FYN: variants seen among roughly 807,000 people sequenced by gnomAD.
The protein encoded by FYN is FYN proto-oncogene, Src family tyrosine kinase, also known as tyrosine-protein kinase Fyn.
A neutral mutation model predicts 70.2 loss-of-function variants in FYN; 10 were observed. The ratio of observed to expected loss-of-function variants is 0.14; its 90% CI spans 0.09 to 0.24. FYN has a LOEUF of 0.24. FYN is among the 10% of genes least tolerant of loss of function. FYN has a pLI of 1.00. For missense variants in FYN, 319 were observed against 673.1 expected (o/e 0.47, Z 5.82); for synonymous variants, 236 against 248.6 (o/e 0.95, Z 0.48).
At chr6:111,805,987 G>A (rs959585134) in intron 2 of FYN, among the ~76,000 whole-genome samples, 1 of 152,112 alleles carries the variant, frequency 6.6e-6, no homozygotes, top group Non-Finnish European at 1.5e-5. Flanking sequence ...AACAGCTCTT[G>A]AGGCAGTTGA....
chr6:111,675,487 T>C (rs977187927), intron 12 of FYN, among the ~76,000 whole-genome samples: 3 of 152,140 alleles, frequency 2.0e-5, no homozygotes, highest in Non-Finnish European at 4.4e-5. Flanking sequence ...GCTTGATGTG[T>C]GTGCAGGGAA....
intron 1 of FYN, among the ~76,000 whole-genome samples, chr6:111,865,267 C>T (rs115678702): frequency 1.3e-3 from 197 of 152,282 alleles, no homozygotes; most frequent in African/African-American, 4.5e-3. Flanking sequence ...TCTCTGCTTC[C>T]TAAGTATACC....
intron 3 of FYN, among the ~76,000 whole-genome samples, chr6:111,774,880 G>A (rs376011096): frequency 1.1e-4 from 16 of 152,130 alleles, no homozygotes; most frequent in Middle Eastern, 3.4e-3. Context: ...CACCACATCC[G>A]GCTAACTTTT....
chr6:111,804,995 G>C (rs376772371), intron 2 of FYN, among the ~76,000 whole-genome samples: 20 of 151,644 alleles, frequency 1.3e-4, no homozygotes, highest in African/African-American at 4.6e-4. Context: ...CCTAACCCAG[G>C]GGTTAACCTC....
intron 4 of FYN, 63 bp downstream of exon 4, chr6:111,719,742 C>T: frequency 6.4e-7 from 1 of 1,566,296 alleles, no homozygotes; most frequent in Non-Finnish European, 8.7e-7. Context: ...CCCAGATGTT[C>T]AATTGCCAAA....
intron 2 of FYN, among the ~76,000 whole-genome samples, chr6:111,833,774 A>G (rs917152489): frequency 2.6e-5 from 4 of 152,218 alleles, no homozygotes; most frequent in Non-Finnish European, 5.9e-5. Context: ...ATTTGCTATT[A>G]TTCAGCAAAG....
intron 3 of FYN, among the ~76,000 whole-genome samples, chr6:111,764,233 G>GA (rs1441217283): frequency 1.4e-5 from 1 of 71,688 alleles, no homozygotes; most frequent in Admixed American, 1.5e-4. Flanking sequence ...AAAAAAAAAA[G>GA]AAAAGAAAAA....
At chr6:111,808,230 C>T (rs1450622256) in intron 2 of FYN, among the ~76,000 whole-genome samples, 3 of 152,346 alleles carry the variant, frequency 2.0e-5, no homozygotes, top group Admixed American at 2.0e-4. Context: ...CACTCTCTAT[C>T]AATCAGGGTA....
intron 2 of FYN, among the ~76,000 whole-genome samples, chr6:111,792,197 C>T (rs1015580724): frequency 2.6e-5 from 4 of 152,052 alleles, no homozygotes; most frequent in Non-Finnish European, 5.9e-5. Context: ...GACAAATACT[C>T]GAGAGGACAA....
At chr6:111,682,187 A>C (rs1798807905) in intron 12 of FYN, among the ~76,000 whole-genome samples, 1 of 152,112 alleles carries the variant, frequency 6.6e-6, no homozygotes, top group Non-Finnish European at 1.5e-5. Flanking sequence ...CACAGACTTA[A>C]TCAAACTAAA....
intron 1 of FYN, among the ~76,000 whole-genome samples, chr6:111,869,403 CTTTT>C (rs1774206918): frequency 6.6e-6 from 1 of 152,138 alleles, no homozygotes; most frequent in Admixed American, 6.5e-5. Context: ...TTCTGTTTTT[CTTTT>C]TGAGATAGGG....
intron 5 of FYN, among the ~76,000 whole-genome samples, chr6:111,710,442 G>A (rs1800315729): frequency 6.6e-6 from 1 of 152,154 alleles, no homozygotes; most frequent in Non-Finnish European, 1.5e-5. Context: ...GCACAGATCA[G>A]AATGCAATTA....
chr6:111,700,128 C>T lies in FYN; in HGVS notation c.838G>A (p.Gly280Arg). Residue 280 changes from glycine to arginine, a missense_variant, in exon 9 of 14, where the codon GGG (glycine) becomes AGG (arginine). Physicochemically the swap from Gly to Arg is moderately radical, Grantham distance 125. Around this residue, in one of 4 missense-constraint regions of FYN, gnomAD observed 112 missense variants for 250.2 expected, o/e 0.45. Coordinates refer to ENST00000354650, the MANE Select transcript of FYN (RefSeq NM_002037.5). The part of the protein sequence containing the change: ...SLQLIKRLGN[G>R]QFGEVWMGTW... Reference sequence around the variant, plus strand: ...CCCATCCATACTTCCCCAAACTGCCCATTTCCCAGTCTCTTGATCAACTGC... The same window carrying T: ...CCCATCCATACTTCCCCAAACTGCCTATTTCCCAGTCTCTTGATCAACTGC... 6.2e-7 allele frequency: 1 copy of T among 1,614,000 alleles called. No individual in the cohort carries two copies. Among genetic ancestry groups the T allele is most frequent in the Non-Finnish European group, 8.5e-7 (1 of 1,179,988 alleles).
At chr6:111,817,217 T>C (rs1772517448) in intron 2 of FYN, among the ~76,000 whole-genome samples, 1 of 152,052 alleles carries the variant, frequency 6.6e-6, no homozygotes, top group Admixed American at 6.6e-5. Context: ...TATTTTTCTG[T>C]ATTTTTGTTT....
chr6:111,691,713 G>C (rs1799325413), intron 12 of FYN, among the ~76,000 whole-genome samples: 2 of 152,216 alleles, frequency 1.3e-5, no homozygotes, highest in Non-Finnish European at 2.9e-5. Flanking sequence ...AGACACACTA[G>C]AAGGTGCTCC....
intron 2 of FYN, among the ~76,000 whole-genome samples, chr6:111,839,254 T>C (rs1299773480): frequency 1.3e-5 from 2 of 152,156 alleles, no homozygotes; most frequent in Non-Finnish European, 2.9e-5. Context: ...CCCATGAGCA[T>C]GCCCCAGCTC....
At chr6:111,755,280 T>C (rs939478653) in intron 3 of FYN, among the ~76,000 whole-genome samples, 3 of 152,180 alleles carry the variant, frequency 2.0e-5, no homozygotes, top group African/African-American at 7.2e-5. Context: ...ACTGGATTCA[T>C]AGCTGCTTAG....
intron 2 of FYN, among the ~76,000 whole-genome samples, chr6:111,815,899 C>T (rs1031962855): frequency 6.6e-6 from 1 of 151,922 alleles, no homozygotes; most frequent in African/African-American, 2.4e-5. Flanking sequence ...GGGGTTTTGC[C>T]ATGCTGCCCA....
At chr6:111,727,042 C>T (rs1424200446) in intron 3 of FYN, among the ~76,000 whole-genome samples, 4 of 152,154 alleles carry the variant, frequency 2.6e-5, no homozygotes, top group South Asian at 2.1e-4. Flanking sequence ...ATAAATTACC[C>T]GGTCTCAGGT....
Sources: gnomAD v4.1 joint callset for allele counts (sites outside exome capture counted in the v4.1 genomes callset) on GRCh38, gnomAD v4.1.1 for gene constraint, gnomAD v4.1.1 regional missense constraint, MANE v1.5 for transcripts, NCBI Gene and HGNC (gene_info 2026-07-23, HGNC 2026-07-21) for gene names.